CSTPP1: variants seen among roughly 807,000 people sequenced by gnomAD.
The protein encoded by CSTPP1 is UPF0705 protein C11orf49.
At chr11:47,060,330 C>T in the CSTPP1 span, among the ~76,000 whole-genome samples, 3 of 148,484 alleles carry the variant, frequency 2.0e-5, no homozygotes, top group Non-Finnish European at 3.0e-5. Flanking sequence ...CTCTGCCTCC[C>T]GGGCCCAAGC....
chr11:47,124,152 C>T, the CSTPP1 span, among the ~76,000 whole-genome samples: 11 of 93,116 alleles, frequency 1.2e-4, no homozygotes, highest in African/African-American at 4.6e-4. Flanking sequence ...GAGACAGAGG[C>T]TCGTTCCGTC....
the CSTPP1 span, among the ~76,000 whole-genome samples, chr11:47,088,236 C>G: frequency 6.6e-6 from 1 of 152,186 alleles, no homozygotes; most frequent in Non-Finnish European, 1.5e-5. Context: ...CTTAAAACTG[C>G]AACAATCTAA....
chr11:47,052,546 C>CCTTCCTTCCTTCCTTCCTTT, the CSTPP1 span: 7 of 1,597,228 alleles, frequency 4.4e-6, no homozygotes, highest in East Asian at 2.2e-5. Context: ...CTTTTTCCTT[C>CCTTCCTTCCTTCCTTCCTTT]CTTCCTTCCT....
the CSTPP1 span, chr11:47,155,974 G>T: frequency 6.6e-6 from 1 of 152,222 alleles, no homozygotes; most frequent in Non-Finnish European, 1.5e-5. Context: ...GACATCAAAT[G>T]GAGTGCCGGG....
chr11:47,113,854 C>T, the CSTPP1 span, among the ~76,000 whole-genome samples: 7 of 150,714 alleles, frequency 4.6e-5, no homozygotes, highest in East Asian at 1.9e-4. Context: ...TAGTTTAATT[C>T]GATCCCATTT....
the CSTPP1 span, chr11:47,161,872 C>T: frequency 7.6e-7 from 1 of 1,323,180 alleles, no homozygotes; most frequent in African/African-American, 1.5e-5. Context: ...ACTTAGGCCC[C>T]AAGCTGACAG....
At chr11:47,107,797 G>C in the CSTPP1 span, among the ~76,000 whole-genome samples, 4 of 152,196 alleles carry the variant, frequency 2.6e-5, no homozygotes, top group African/African-American at 7.2e-5. Context: ...CCCTGCAATA[G>C]AGATTTATAC....
the CSTPP1 span, among the ~76,000 whole-genome samples, chr11:47,016,562 T>C: frequency 3.3e-5 from 5 of 152,096 alleles, no homozygotes; most frequent in African/African-American, 1.2e-4. Context: ...AAATACAAAA[T>C]ACTTAGAAAT....
the CSTPP1 span, among the ~76,000 whole-genome samples, chr11:47,112,599 G>C: frequency 6.6e-6 from 1 of 152,182 alleles, no homozygotes; most frequent in Non-Finnish European, 1.5e-5. Context: ...CAGGACTACA[G>C]GCGTGAGCTG....
the CSTPP1 span, among the ~76,000 whole-genome samples, chr11:47,116,681 T>G: frequency 1.1e-4 from 15 of 137,540 alleles, no homozygotes; most frequent in African/African-American, 3.8e-4. Context: ...GTAGGTTTTT[T>G]TTTTTTTTTT....
chr11:47,112,684 A>G, the CSTPP1 span, among the ~76,000 whole-genome samples: 37 of 152,228 alleles, frequency 2.4e-4, no homozygotes, highest in African/African-American at 8.7e-4. Context: ...AGCTCCATGA[A>G]GGCAAAGAGC....
At chr11:47,035,822 A>T in the CSTPP1 span, among the ~76,000 whole-genome samples, 15 of 151,864 alleles carry the variant, frequency 9.9e-5, no homozygotes, top group Admixed American at 8.6e-4. Context: ...AGTTTTTTTT[A>T]AATTGCTGAA....
the CSTPP1 span, among the ~76,000 whole-genome samples, chr11:47,082,609 T>A: frequency 5.3e-5 from 8 of 152,316 alleles, no homozygotes; most frequent in Middle Eastern, 0.01. Flanking sequence ...TTCAGTCGTT[T>A]TTAGAATATT....
At chr11:47,093,633 A>G in the CSTPP1 span, among the ~76,000 whole-genome samples, 2 of 152,162 alleles carry the variant, frequency 1.3e-5, no homozygotes, top group Non-Finnish European at 2.9e-5. Flanking sequence ...GCCACCAGAC[A>G]TAGGTTTGAG....
At chr11:47,106,119 T>C in the CSTPP1 span, among the ~76,000 whole-genome samples, 1 of 152,212 alleles carries the variant, frequency 6.6e-6, no homozygotes, top group South Asian at 2.1e-4. Flanking sequence ...GCACACACCT[T>C]GCATGAGGTC....
chr11:46,995,931 T>C, the CSTPP1 span, among the ~76,000 whole-genome samples: 6 of 152,228 alleles, frequency 3.9e-5, no homozygotes, highest in Non-Finnish European at 8.8e-5. Context: ...TGTAGGTCTC[T>C]AAGGACTTGC....
chr11:46,941,559 C>G, the CSTPP1 span, among the ~76,000 whole-genome samples: 2 of 152,044 alleles, frequency 1.3e-5, no homozygotes, highest in African/African-American at 4.8e-5. Context: ...AGGCTGGTCT[C>G]GAACTCCTGA....
chr11:46,979,828 G>A, the CSTPP1 span, among the ~76,000 whole-genome samples: 2 of 152,142 alleles, frequency 1.3e-5, no homozygotes, highest in African/African-American at 4.8e-5. Flanking sequence ...CAGGAGAATC[G>A]CTTGAACCCT....
chr11:47,161,199 C>A, the CSTPP1 span: 1 of 1,614,194 alleles, frequency 6.2e-7, no homozygotes, highest in Non-Finnish European at 8.5e-7. Context: ...CTGTAAGTGT[C>A]AAGTGGGAGG....
Sources: gnomAD v4.1 joint callset for allele counts (sites outside exome capture counted in the v4.1 genomes callset) on GRCh38, gnomAD v4.1.1 for gene constraint, MANE v1.5 for transcripts, NCBI Gene and HGNC (gene_info 2026-07-23, HGNC 2026-07-21) for gene names.